PIGK: variants seen among roughly 807,000 people sequenced by gnomAD.
PIGK encodes the protein GPI-anchor transamidase.
A neutral mutation model predicts 50.6 loss-of-function variants in PIGK; 42 were observed. That is an observed-to-expected ratio of 0.83 (90% CI 0.65 to 1.07). The LOEUF (loss-of-function observed/expected upper bound fraction) is 1.07. PIGK is among the 50% of genes least tolerant of loss of function. PIGK has a pLI of 0.00. For missense variants in PIGK, 448 were observed against 488.7 expected (o/e 0.92, Z 0.78); for synonymous variants, 151 against 156.0 (o/e 0.97, Z 0.24).
At chr1:77,145,875 G>C (rs1037986825) in intron 9 of PIGK, among the ~76,000 whole-genome samples, 11 of 152,024 alleles carry the variant, frequency 7.2e-5, no homozygotes, top group Non-Finnish European at 1.3e-4. Flanking sequence ...ATAAAGTCCA[G>C]AAATAGACCC....
rs187031125 is a variant in PIGK at position 77,149,896 on chromosome 1, C to A, written c.986+4553G>T. ...AAAAAGCTGAAATCATTTCAAGTAT[C>A]TTTTTCTGACTATAAAAAAAAAACC... On this transcript the variant is annotated intron_variant, in intron 9 of 10. Coordinates refer to ENST00000370812, the MANE Select transcript of PIGK (RefSeq NM_005482.3). 1.2e-3 allele frequency among the ~76,000 whole-genome samples: 178 copies of A among 151,968 alleles called. 1 individual carries two copies. Among genetic ancestry groups the A allele is most frequent in the African/African-American group, 4.1e-3 (172 of 41,456 alleles).
chr1:77,110,639 A>C (rs1003399080), intron 10 of PIGK, among the ~76,000 whole-genome samples: 45 of 152,102 alleles, frequency 3.0e-4, no homozygotes, highest in Non-Finnish European at 4.7e-4. Context: ...ACATGTTAGA[A>C]CTAAACCCAT....
chr1:77,169,260 C>G lies in PIGK; in HGVS notation c.375G>C (p.Glu125Asp). 1 of 1,538,642 alleles carries G rather than the reference C, an allele frequency of 6.5e-7. No homozygotes were observed. The highest frequency in any genetic ancestry group is 8.8e-7 in the Non-Finnish European group (1 of 1,138,360). Residue 125 changes from glutamate (E) to aspartate (D), a missense_variant and splice_region_variant, in exon 4 of 11, where the codon GAG becomes GAC. By Grantham distance (45) the Glu-to-Asp change is conservative. Coordinates refer to ENST00000370812, the MANE Select transcript of PIGK (RefSeq NM_005482.3). ...DDVEVDYRSY[E>D]VTVENFLRVL... ...AATGTGGCTAGATTAAAGAATTTAC[C>G]TCGTAACTTCTATAATCCACTTCCA...
Position 77,167,554 on chromosome 1 carries a change from G to A in PIGK, c.376-724C>T, listed in dbSNP as rs549140341. Among the ~76,000 whole-genome samples, 6 of 151,682 alleles carry A rather than the reference G, an allele frequency of 4.0e-5. No individual in the cohort carries two copies. In the South Asian group the frequency reaches 8.4e-4, roughly 21 times the overall value. ...AGGCCAAGTGTTCAAAAACAGCCTG[G>A]ACAACCTAGTAAGACCCCCATCTCT... is the stretch of plus-strand genomic sequence containing the variant. On this transcript the variant is annotated intron_variant, in intron 4 of 10. Coordinates refer to ENST00000370812, the MANE Select transcript of PIGK (RefSeq NM_005482.3).
intron 5 of PIGK, among the ~76,000 whole-genome samples, chr1:77,164,653 C>G (rs1655197784): frequency 6.6e-6 from 1 of 151,972 alleles, no homozygotes; most frequent in Non-Finnish European, 1.5e-5. Context: ...GTATCCCTCC[C>G]TTCCATTAGA....
chr1:77,177,323 G>A (rs543950914), intron 3 of PIGK, among the ~76,000 whole-genome samples: 1 of 152,226 alleles, frequency 6.6e-6, no homozygotes, highest in South Asian at 2.1e-4. Context: ...AGATGGCCAT[G>A]ATGCCCACAC....
At chr1:77,165,367 A>G (rs1655211701) in intron 5 of PIGK, among the ~76,000 whole-genome samples, 1 of 152,094 alleles carries the variant, frequency 6.6e-6, no homozygotes, top group Non-Finnish European at 1.5e-5. Context: ...CATTAACTCT[A>G]TTGAGTTAAT....
At position 77,206,654 on chromosome 1, in the gene PIGK, T is replaced by G. The variant is rs770795830; in HGVS notation, c.225A>C (p.Leu75=). The G allele has an allele frequency of 1.3e-6, 2 of 1,599,378 alleles. No homozygotes were observed. Among genetic ancestry groups the G allele is most frequent in the South Asian group, 2.2e-5 (2 of 90,688 alleles). ...AGGCTTCTTACCTGTCAGGAATACC[T>G]AGCCTCTTGACACTTCTATAAACAG... The part of the protein sequence containing the change: ...TLSVYRSVKR[L]GIPDSHIVLM... Residue 75 remains leucine (L), a synonymous_variant, in exon 3 of 11, where the codon CTA becomes CTC. Coordinates refer to ENST00000370812, the MANE Select transcript of PIGK (RefSeq NM_005482.3).
intron 5 of PIGK, among the ~76,000 whole-genome samples, chr1:77,164,597 C>G (rs1655196845): frequency 6.6e-6 from 1 of 151,984 alleles, no homozygotes; most frequent in African/African-American, 2.4e-5. Context: ...TGCAGCCCTG[C>G]AGGCTTACAA....
chr1:77,116,558 GTC>G (rs1212417492), intron 10 of PIGK, among the ~76,000 whole-genome samples: 31 of 111,808 alleles, frequency 2.8e-4, no homozygotes, highest in African/African-American at 3.4e-4. Flanking sequence ...GTTTAAATGT[GTC>G]TCTGTGTGTG....
At chr1:77,162,125 T>C (rs17099986) in intron 6 of PIGK, among the ~76,000 whole-genome samples, 5,660 of 152,192 alleles carry the variant, frequency 0.037, 207 homozygotes, top group South Asian at 0.21. Flanking sequence ...TACAACTACA[T>C]TGGAACGTGA....
intron 6 of PIGK, 88 bp downstream of exon 6, chr1:77,163,758 A>G: frequency 1.4e-6 from 1 of 718,172 alleles, no homozygotes. Flanking sequence ...TAAGTTAAAA[A>G]TCTTAAAAAA....
At chr1:77,153,809 T>C (rs1654946012) in intron 9 of PIGK, 1 of 152,156 alleles carries the variant, frequency 6.6e-6, no homozygotes, top group Non-Finnish European at 1.5e-5. Flanking sequence ...TATGAGTTTC[T>C]AATAGATAGC....
At chr1:77,102,299 C>G (rs1052097741) in intron 10 of PIGK, among the ~76,000 whole-genome samples, 3 of 152,084 alleles carry the variant, frequency 2.0e-5, no homozygotes, top group African/African-American at 7.2e-5. Flanking sequence ...GAGGCAACAC[C>G]CTCCAATATT....
In PIGK at chr1:77,163,921, A is replaced by T; in HGVS notation, c.509T>A (p.Leu170Ter). ...AATTTCTTCAGAATCTTGAAATTTT[A>T]AGAAACCATTTCCACCATGCCCTTG... Reference protein sequence around the residue: ...YMTGHGGNGFLKFQDSEEITN... With the variant: ...YMTGHGGNGF The change falls in exon 6 of 11, where the codon TTA (leucine) becomes TAA (stop). Residue 170 changes from leucine (L) to a stop codon, truncating the protein, a stop_gained. Coordinates refer to ENST00000370812, the MANE Select transcript of PIGK (RefSeq NM_005482.3). LOFTEE classifies it high-confidence loss of function. The T allele has an allele frequency of 6.2e-7, 1 of 1,605,418 alleles. No homozygotes were observed. The highest frequency in any genetic ancestry group is 8.5e-7 in the Non-Finnish European group (1 of 1,173,870).
At chr1:77,132,379 T>C (rs1654394252) in intron 9 of PIGK, among the ~76,000 whole-genome samples, 1 of 151,954 alleles carries the variant, frequency 6.6e-6, no homozygotes, top group Admixed American at 6.6e-5. Context: ...ACTTGATAGG[T>C]GTATTTTTAC....
chr1:77,090,950 A>G lies in PIGK; in HGVS notation c.*1424T>C, dbSNP rs1353307330. Reference sequence around the variant, plus strand: ...CCTTTGCCTTTTGAAAAGTATGACAATCTTGCATGCAATTAAAAGGTAATA... The same window carrying G: ...CCTTTGCCTTTTGAAAAGTATGACAGTCTTGCATGCAATTAAAAGGTAATA... On this transcript the variant is annotated 3_prime_UTR_variant, in exon 11 of 11. Transcript: ENST00000370812. 1 of 152,232 alleles carries G rather than the reference A, an allele frequency of 6.6e-6. No homozygotes were observed. Among genetic ancestry groups the G allele is most frequent in the Non-Finnish European group, 1.5e-5 (1 of 68,032 alleles). 9.4% of individuals were successfully genotyped at this position (152,232 alleles called of 1,614,324 possible).
Position 77,123,432 on chromosome 1 carries a change from C to A in PIGK, c.987-1073G>T, listed in dbSNP as rs148553063. ...AAAAAGGCAGATATACAAAAAAAGACAAAATTTTCATATGATTTAAGAGCT... is the reference window on the plus strand; with the variant it reads ...AAAAAGGCAGATATACAAAAAAAGAAAAAATTTTCATATGATTTAAGAGCT... On this transcript the variant is annotated intron_variant, in intron 9 of 10. Coordinates refer to ENST00000370812, the MANE Select transcript of PIGK (RefSeq NM_005482.3). Among the ~76,000 whole-genome samples, 571 of 152,130 alleles carry A rather than the reference C, an allele frequency of 3.8e-3. 5 individuals are homozygous for A. Among genetic ancestry groups the A allele is most frequent in the African/African-American group, 0.013 (541 of 41,514 alleles).
intron 10 of PIGK, among the ~76,000 whole-genome samples, chr1:77,095,503 C>T (rs1299597521): frequency 6.6e-6 from 1 of 152,060 alleles, no homozygotes; most frequent in Non-Finnish European, 1.5e-5. Context: ...TTGTGTAACT[C>T]ATTCCCAGTT....
Sources: gnomAD v4.1 joint callset for allele counts (sites outside exome capture counted in the v4.1 genomes callset) on GRCh38, gnomAD v4.1.1 for gene constraint, MANE v1.5 for transcripts, NCBI Gene and HGNC (gene_info 2026-07-23, HGNC 2026-07-21) for gene names.